ZNF700: variants seen among roughly 807,000 people sequenced by gnomAD.
The protein encoded by ZNF700 is zinc finger protein 700.
ZNF700 carries 38 observed loss-of-function variants against 65.3 expected under a neutral mutation model. The ratio of observed to expected loss-of-function variants is 0.58; its 90% confidence interval spans 0.45 to 0.76. The LOEUF is 0.76. ZNF700 is among the 30% of genes least tolerant of loss of function. ZNF700 has a pLI of 0.00. For synonymous variants in ZNF700, 285 were observed against 290.4 expected (o/e 0.98, Z 0.19); for missense variants, 857 against 888.4 (o/e 0.96, Z 0.45).
intron 1 of ZNF700, among the ~76,000 whole-genome samples, chr19:11,941,029 G>A (rs543476371): frequency 3.9e-5 from 6 of 152,054 alleles, no homozygotes; most frequent in Non-Finnish European, 7.4e-5. Flanking sequence ...TAGACATAAA[G>A]GTTCTCCAAG....
In ZNF700 at chr19:11,929,324, C is replaced by T. The variant is rs1480376181; in HGVS notation, c.63+4051C>T. 2.0e-5 allele frequency among the ~76,000 whole-genome samples: 3 copies of T among 147,978 alleles called. 1 individual carries two copies. Among genetic ancestry groups the T allele is most frequent in the African/African-American group, 8.0e-5 (3 of 37,732 alleles). Reference sequence around the variant, plus strand: ...GATTACAGACATGTGCCACCACACTCAGCTGATTTTTGTATTTTTAGTAAA... The same window carrying T: ...GATTACAGACATGTGCCACCACACTTAGCTGATTTTTGTATTTTTAGTAAA... On this transcript the variant is annotated intron_variant, in intron 1 of 3. Coordinates refer to ENST00000254321, the MANE Select transcript of ZNF700 (RefSeq NM_144566.3).
At position 11,936,563 on chromosome 19, in the gene ZNF700, A is replaced by G. The variant is rs1046678420; in HGVS notation, c.64-10618A>G. ...TGTTTTTTTCTTGTAAGTTTGTTTG[A>G]GTTCCTTGTAGATTCTGGATATTAG... is the stretch of plus-strand genomic sequence containing the variant. On this transcript the variant is annotated intron_variant, in intron 1 of 3. Coordinates refer to ENST00000254321, the MANE Select transcript of ZNF700 (RefSeq NM_144566.3). 5.3e-5 allele frequency among the ~76,000 whole-genome samples: 8 copies of G among 152,124 alleles called. No individual in the cohort carries two copies. In the East Asian group the frequency reaches 1.5e-3, roughly 29 times the overall value.
rs755235906 is a variant in ZNF700, at chr19:11,925,198, T to C, written c.-13T>C. On this transcript the variant is annotated 5_prime_UTR_variant, in exon 1 of 4. Transcript: ENST00000254321. ...GCCTGTACCCAGGCTTCTGTCGCTC[T>C]GTCGCCTGCGCTATGCCCTGCTGTA... 5 of 1,611,902 alleles carry C rather than the reference T, an allele frequency of 3.1e-6. No homozygotes were observed. The highest frequency in any genetic ancestry group is 3.4e-6 in the Non-Finnish European group (4 of 1,178,550).
At chr19:11,925,316 G>T (rs1170172378) in intron 1 of ZNF700, 43 bp downstream of exon 1, 1 of 1,604,836 alleles carries the variant, frequency 6.2e-7, no homozygotes, top group East Asian at 2.3e-5. Context: ...GGGAGGGGCT[G>T]CCTGGAACAG....
In ZNF700 at chr19:11,950,665, T is replaced by C; in HGVS notation, c.*412T>C. On this transcript the variant is annotated 3_prime_UTR_variant, in exon 4 of 4. Transcript: ENST00000254321. The stretch of plus-strand genomic sequence containing the variant: ...TTCAGATCTGCCAAGATTCTTTGAA[T>C]ACAGATAATTAATGTAAACAATTAT... 3.4e-6 allele frequency: 1 copy of C among 294,642 alleles called. No individual in the cohort carries two copies. Among genetic ancestry groups the C allele is most frequent in the South Asian group, 3.7e-5 (1 of 27,334 alleles). The allele number at this position is 294,642 out of a possible 1,614,324, so 18.3% of individuals were successfully genotyped here.
chr19:11,935,579 G>A (rs867304488), intron 1 of ZNF700, among the ~76,000 whole-genome samples: 2 of 151,916 alleles, frequency 1.3e-5, no homozygotes, highest in African/African-American at 4.8e-5. Context: ...AGAATTTTAG[G>A]ACTTCTTCAT....
intron 1 of ZNF700, among the ~76,000 whole-genome samples, chr19:11,939,747 C>T (rs898450470): frequency 6.6e-6 from 1 of 152,136 alleles, no homozygotes; most frequent in Non-Finnish European, 1.5e-5. Context: ...AGGCATGAGT[C>T]ACCACACCTG....
At chr19:11,945,579 T>G (rs1287669241) in intron 1 of ZNF700, among the ~76,000 whole-genome samples, 2 of 152,110 alleles carry the variant, frequency 1.3e-5, no homozygotes, top group Non-Finnish European at 2.9e-5. Flanking sequence ...GGCCCCAGGC[T>G]TAACTTCTGT....
chr19:11,927,222 C>T (rs1396979730), intron 1 of ZNF700, among the ~76,000 whole-genome samples: 1 of 151,914 alleles, frequency 6.6e-6, no homozygotes, highest in Non-Finnish European at 1.5e-5. Flanking sequence ...GGTGTGGTGG[C>T]CTGCACCTGT....
chr19:11,938,375 C>G (rs1188659318), intron 1 of ZNF700, among the ~76,000 whole-genome samples: 5 of 152,146 alleles, frequency 3.3e-5, no homozygotes, highest in Admixed American at 3.3e-4. Flanking sequence ...CTTATGCTAT[C>G]CCTCTCCCTT....
chr19:11,938,609 A>G (rs1972834044), intron 1 of ZNF700, among the ~76,000 whole-genome samples: 1 of 152,188 alleles, frequency 6.6e-6, no homozygotes, highest in Admixed American at 6.6e-5. Flanking sequence ...TATATGTGCC[A>G]CATTTTCTTA....
At chr19:11,929,323 T>C (rs1333056506) in intron 1 of ZNF700, among the ~76,000 whole-genome samples, 3 of 147,746 alleles carry the variant, frequency 2.0e-5, no homozygotes, top group Non-Finnish European at 1.5e-5. Flanking sequence ...GCCACCACAC[T>C]CAGCTGATTT....
Position 11,930,323 on chromosome 19 carries a change from A to G in ZNF700, c.63+5050A>G, listed in dbSNP as rs560356962. Reference sequence around the variant, plus strand: ...ATATCCCAAAAGACAAGGAAAGGCCACCCCAACAAGGTTGTATTTAGCTGT... The same window carrying G: ...ATATCCCAAAAGACAAGGAAAGGCCGCCCCAACAAGGTTGTATTTAGCTGT... On this transcript the variant is annotated intron_variant, in intron 1 of 3. Transcript: ENST00000254321. Among the ~76,000 whole-genome samples, 3 of 148,476 alleles carry G rather than the reference A, an allele frequency of 2.0e-5. No individual in the cohort carries two copies. The East Asian group carries it at 5.8e-4, about 29-fold the overall frequency.
rs1035172367 is a variant in ZNF700 at position 11,934,812 on chromosome 19, C to T, written c.63+9539C>T. Among the ~76,000 whole-genome samples, 7 of 147,948 alleles carry T rather than the reference C, an allele frequency of 4.7e-5. 1 individual carries two copies. Among genetic ancestry groups the T allele is most frequent in the African/African-American group, 1.9e-4 (7 of 37,764 alleles). ...AATGTGCTGGATTACAGGCGTGAGC[C>T]ACTGCGCCCGGCCTGTTTTCATTTC... On this transcript the variant is annotated intron_variant, in intron 1 of 3. Coordinates refer to ENST00000254321, the MANE Select transcript of ZNF700 (RefSeq NM_144566.3).
At chr19:11,945,223 C>T (rs1972941958) in intron 1 of ZNF700, among the ~76,000 whole-genome samples, 8 of 152,240 alleles carry the variant, frequency 5.3e-5, no homozygotes, top group Admixed American at 5.2e-4. Flanking sequence ...AGGTTCCCAG[C>T]ACCCCTCTTT....
rs1421881404 is a variant in ZNF700, at chr19:11,948,736, C to G, written c.712C>G (p.Leu238Val). Residue 238 changes from leucine to valine, a missense_variant, in exon 4 of 4, where the codon CTT (leucine) becomes GTT (valine). This residue lies in a region of ZNF700 where 603 missense variants were observed against 619.9 expected (regional missense o/e 0.97). Coordinates refer to ENST00000254321, the MANE Select transcript of ZNF700 (RefSeq NM_144566.3). ...AGCCTTCCATTCTTTCAGTTTATAT[C>G]TTATCCATGAAAGAACTCACACTGG... Reference protein sequence around the residue: ...GKAFHSFSLYLIHERTHTGEK... With the variant: ...GKAFHSFSLYVIHERTHTGEK... 5 of 1,612,764 alleles carry G rather than the reference C, an allele frequency of 3.1e-6. No homozygotes were observed. The highest frequency in any genetic ancestry group is 4.2e-6 in the Non-Finnish European group (5 of 1,179,754).
chr19:11,935,160 A>G (rs1382773351), intron 1 of ZNF700, among the ~76,000 whole-genome samples: 7 of 122,484 alleles, frequency 5.7e-5, no homozygotes, highest in African/African-American at 2.1e-4. Context: ...TGGGCGACAG[A>G]GCGAGACTCC....
chr19:11,925,150 G>A lies in ZNF700; in HGVS notation c.-61G>A, dbSNP rs1972603450. 2.9e-5 allele frequency: 47 copies of A among 1,597,594 alleles called. No homozygotes were observed. The South Asian group carries it at 4.7e-4, about 16-fold the overall frequency. On this transcript the variant is annotated 5_prime_UTR_variant, in exon 1 of 4. Transcript: ENST00000254321. ...GCGGGCGGCGGTTGGTAACCGGTCA[G>A]ACCAGCCCGAGAGGGACCTGGTGCC... is the stretch of plus-strand genomic sequence containing the variant.
intron 1 of ZNF700, among the ~76,000 whole-genome samples, chr19:11,936,984 G>T (rs571501144): frequency 7.9e-5 from 12 of 152,290 alleles, no homozygotes; most frequent in African/African-American, 2.9e-4. Context: ...GTTCGTCAAA[G>T]ATCAGATGGT....
Sources: allele counts gnomAD v4.1 joint callset (sites outside exome capture counted in the v4.1 genomes callset), GRCh38; gene constraint gnomAD v4.1.1; regional missense constraint gnomAD v4.1.1; transcripts MANE v1.5; gene names NCBI Gene and HGNC (gene_info 2026-07-23, HGNC 2026-07-21).